The following HS3ST3A1 variants were observed in gnomAD, a reference collection of about 807,000 sequenced individuals.
HS3ST3A1 encodes the protein heparan sulfate-glucosamine 3-sulfotransferase 3A1, also known as heparan sulfate glucosamine 3-O-sulfotransferase 3A1.
In HS3ST3A1, 19 loss-of-function variants were observed where a neutral mutation model predicts 25.7. The observed-to-expected ratio is 0.74, with a 90% CI of 0.52 to 1.08. The LOEUF (loss-of-function observed/expected upper bound fraction) is 1.08, where lower values mean the gene tolerates loss of function less well. Among genes scored for constraint, HS3ST3A1 ranks in the 50% least tolerant of loss-of-function variants. The pLI, the probability that HS3ST3A1 is intolerant of heterozygous loss-of-function variation, is 0.00. For synonymous variants in HS3ST3A1, 226 were observed against 278.6 expected (o/e 0.81, Z 1.88); for missense variants, 459 against 594.3 (o/e 0.77, Z 2.37).
chr17:13,503,596 G>A (rs149218640), intron 1 of HS3ST3A1, among the ~76,000 whole-genome samples: 1 of 152,172 alleles, frequency 6.6e-6, no homozygotes, highest in African/African-American at 2.4e-5. Flanking sequence ...AATAAATAAA[G>A]TAAGTAATCA....
chr17:13,555,845 T>C (rs541000047), intron 1 of HS3ST3A1: 2 of 152,316 alleles, frequency 1.3e-5, no homozygotes, highest in East Asian at 3.9e-4. Flanking sequence ...GAGAGTATAT[T>C]ATATTACATA....
At chr17:13,515,634 A>G (rs1906030029) in intron 1 of HS3ST3A1, among the ~76,000 whole-genome samples, 1 of 152,176 alleles carries the variant, frequency 6.6e-6, no homozygotes, top group South Asian at 2.1e-4. Context: ...ATGTGAATAC[A>G]AGTTTTACCA....
At chr17:13,515,999 T>A (rs932201946) in intron 1 of HS3ST3A1, among the ~76,000 whole-genome samples, 12 of 152,182 alleles carry the variant, frequency 7.9e-5, no homozygotes, top group African/African-American at 2.9e-4. Context: ...TTCTTACTGC[T>A]GAGTTTTAAA....
chr17:13,503,205 C>A (rs1158566775), intron 1 of HS3ST3A1, among the ~76,000 whole-genome samples: 2 of 149,334 alleles, frequency 1.3e-5, no homozygotes, highest in African/African-American at 2.5e-5. Flanking sequence ...AAAAAAAGAG[C>A]TCCTATAAAT....
At chr17:13,568,676 G>A (rs928773821) in intron 1 of HS3ST3A1, among the ~76,000 whole-genome samples, 1 of 152,092 alleles carries the variant, frequency 6.6e-6, no homozygotes, top group African/African-American at 2.4e-5. Context: ...TCTTCCACAC[G>A]GTAGGTTTCT....
chr17:13,579,717 AAAAAAAAAAAAT>A (rs1183602735), intron 1 of HS3ST3A1, among the ~76,000 whole-genome samples: 5 of 142,564 alleles, frequency 3.5e-5, no homozygotes, highest in South Asian at 5.4e-4. Context: ...AAAAAAAAAA[AAAAAAAAAAAAT>A]CATAAGAAAT....
intron 1 of HS3ST3A1, among the ~76,000 whole-genome samples, chr17:13,581,345 T>C (rs1263284441): frequency 6.6e-6 from 1 of 151,824 alleles, no homozygotes; most frequent in Non-Finnish European, 1.5e-5. Flanking sequence ...CACGCACCTG[T>C]AGTCCCAGCT....
chr17:13,541,790 A>G (rs1034487614), intron 1 of HS3ST3A1, among the ~76,000 whole-genome samples: 4 of 152,200 alleles, frequency 2.6e-5, no homozygotes, highest in Non-Finnish European at 5.9e-5. Context: ...CTTGAAGGCT[A>G]CTTGAAGAAA....
intron 1 of HS3ST3A1, among the ~76,000 whole-genome samples, chr17:13,527,888 C>T (rs541816161): frequency 2.0e-5 from 3 of 152,260 alleles, no homozygotes; most frequent in African/African-American, 7.2e-5. Flanking sequence ...TTGCTGTTTG[C>T]TTTTTTGGGA....
At chr17:13,564,764 C>T (rs12939398) in intron 1 of HS3ST3A1, among the ~76,000 whole-genome samples, 2,657 of 146,382 alleles carry the variant, frequency 0.018, 41 homozygotes, top group Non-Finnish European at 0.027. Context: ...CACTCTGTCA[C>T]CCAGGCTCGA....
chr17:13,558,862 TGAA>T (rs1011247435), intron 1 of HS3ST3A1, among the ~76,000 whole-genome samples: 3 of 152,122 alleles, frequency 2.0e-5, no homozygotes, highest in African/African-American at 7.2e-5. Flanking sequence ...AAATAGCCCT[TGAA>T]GAAAAAAACC....
intron 1 of HS3ST3A1, among the ~76,000 whole-genome samples, chr17:13,533,045 AG>A (rs1906655702): frequency 1.3e-5 from 2 of 152,110 alleles, no homozygotes; most frequent in Non-Finnish European, 2.9e-5. Flanking sequence ...TTATCAAAAA[AG>A]GACAACAGCA....
intron 1 of HS3ST3A1, among the ~76,000 whole-genome samples, chr17:13,516,391 C>T (rs530770019): frequency 6.6e-6 from 1 of 152,172 alleles, no homozygotes; most frequent in African/African-American, 2.4e-5. Flanking sequence ...GGAGGTTTTT[C>T]CAAGTGTTTT....
rs547446913 is a variant in HS3ST3A1, at chr17:13,512,780, CG to C, written c.600-15963del. 2.7e-3 allele frequency among the ~76,000 whole-genome samples: 417 copies of C among 152,154 alleles called. 1 individual carries two copies. The highest frequency in any genetic ancestry group is 4.7e-3 in the Non-Finnish European group (321 of 68,006). ...AGGGATAAAAAAATAAATTGTACTG[CG>C]TAAGTATGTAGTAGTTCATGATCTG... On this transcript the variant is annotated intron_variant, in intron 1 of 1. Coordinates refer to ENST00000284110, the MANE Select transcript of HS3ST3A1 (RefSeq NM_006042.3).
At chr17:13,519,720 T>C (rs944457575) in intron 1 of HS3ST3A1, among the ~76,000 whole-genome samples, 3 of 152,234 alleles carry the variant, frequency 2.0e-5, no homozygotes, top group African/African-American at 7.2e-5. Flanking sequence ...GGTTATTTTA[T>C]TCATTCATGC....
At chr17:13,524,457 C>T (rs1218715702) in intron 1 of HS3ST3A1, among the ~76,000 whole-genome samples, 1 of 152,074 alleles carries the variant, frequency 6.6e-6, no homozygotes, top group Non-Finnish European at 1.5e-5. Context: ...GGGGTATCAC[C>T]ACGTTGCCCA....
chr17:13,501,212 C>T (rs991004599), intron 1 of HS3ST3A1, among the ~76,000 whole-genome samples: 1 of 143,224 alleles, frequency 7.0e-6, no homozygotes, highest in African/African-American at 2.8e-5. Flanking sequence ...GTACTTAACA[C>T]TACTGAACCG....
chr17:13,537,161 T>C (rs1906795728), intron 1 of HS3ST3A1, among the ~76,000 whole-genome samples: 1 of 152,232 alleles, frequency 6.6e-6, no homozygotes. Flanking sequence ...CACATTGGAA[T>C]CATAGCCTGA....
chr17:13,546,809 T>C (rs755536139), intron 1 of HS3ST3A1, among the ~76,000 whole-genome samples: 14 of 152,208 alleles, frequency 9.2e-5, no homozygotes, highest in Admixed American at 2.0e-4. Context: ...AGTTGTTCAA[T>C]AAATATTTGT....
Sources: allele counts gnomAD v4.1 joint callset (sites outside exome capture counted in the v4.1 genomes callset), GRCh38; gene constraint gnomAD v4.1.1; transcripts MANE v1.5; gene names NCBI Gene and HGNC (gene_info 2026-07-23, HGNC 2026-07-21).